The following EML1 variants were observed in gnomAD, a reference collection of about 807,000 sequenced individuals.
The protein encoded by EML1 is EMAP like 1.
A neutral mutation model predicts 110.4 loss-of-function variants in EML1; 27 were observed. That is an observed-to-expected ratio of 0.24 (90% confidence interval 0.18 to 0.34). EML1 has a LOEUF of 0.34. EML1 is among the 10% of genes least tolerant of loss of function. The pLI, the probability that EML1 is intolerant of heterozygous loss-of-function variation, is 1.00. For synonymous variants in EML1, 344 were observed against 385.8 expected (o/e 0.89, Z 1.27); for missense variants, 741 against 1,030.9 (o/e 0.72, Z 3.85).
chr14:99,770,356 G>A (rs974938809), upstream of EML1, among the ~76,000 whole-genome samples: 2 of 130,672 alleles, frequency 1.5e-5, no homozygotes, highest in Non-Finnish European at 3.3e-5. Flanking sequence ...GCAAGCTCTC[G>A]TGTCTTTTTA....
At chr14:99,752,315 G>C (rs1029392918) in intron 1 of EML1, among the ~76,000 whole-genome samples, 14 of 152,214 alleles carry the variant, frequency 9.2e-5, no homozygotes, top group Middle Eastern at 3.4e-3. Context: ...CACACCCACA[G>C]TCCTACACAC....
At chr14:99,839,930 G>A (rs1487208090) in intron 1 of EML1, among the ~76,000 whole-genome samples, 1 of 152,202 alleles carries the variant, frequency 6.6e-6, no homozygotes, top group East Asian at 1.9e-4. Context: ...CTGGAGCCCA[G>A]CCAGGAGTGG....
At chr14:99,748,778 G>A (rs533827971) in intron 1 of EML1, among the ~76,000 whole-genome samples, 12 of 152,248 alleles carry the variant, frequency 7.9e-5, no homozygotes, top group African/African-American at 2.2e-4. Context: ...CACTTCCGTC[G>A]TCCACGGAAA....
chr14:99,789,787 T>A (rs2057642645), upstream of EML1, among the ~76,000 whole-genome samples: 1 of 152,232 alleles, frequency 6.6e-6, no homozygotes, highest in African/African-American at 2.4e-5. Context: ...TGCTATTAAT[T>A]CCACTGAACA....
intron 1 of EML1, among the ~76,000 whole-genome samples, chr14:99,797,698 G>A (rs1353144121): frequency 2.6e-5 from 4 of 152,164 alleles, no homozygotes; most frequent in South Asian, 2.1e-4. Context: ...TCACCAAAAC[G>A]AGTCAGTGCA....
chr14:99,743,878 A>G (rs2057073680), intron 1 of EML1, among the ~76,000 whole-genome samples: 1 of 152,100 alleles, frequency 6.6e-6, no homozygotes. Flanking sequence ...TTTATTTTTT[A>G]TTTATCATGT....
At chr14:99,933,947 T>C (rs2060420565) in intron 17 of EML1, among the ~76,000 whole-genome samples, 1 of 151,960 alleles carries the variant, frequency 6.6e-6, no homozygotes, top group South Asian at 2.1e-4. Flanking sequence ...ATACAAAAAT[T>C]AGCCAGGCGC....
intron 3 of EML1, among the ~76,000 whole-genome samples, chr14:99,875,693 C>G (rs1274723275): frequency 2.0e-5 from 3 of 152,146 alleles, no homozygotes; most frequent in Non-Finnish European, 4.4e-5. Context: ...TGCATCAGAG[C>G]CTTGTACTAA....
chr14:99,833,758 A>G (rs763025357), intron 1 of EML1, among the ~76,000 whole-genome samples: 5 of 152,164 alleles, frequency 3.3e-5, no homozygotes, highest in Non-Finnish European at 5.9e-5. Context: ...TAAGCATTTC[A>G]TATTTTTGAT....
chr14:99,907,795 T>C (rs1488642785), intron 10 of EML1, 62 bp downstream of exon 10: 9 of 1,527,612 alleles, frequency 5.9e-6, no homozygotes, highest in Non-Finnish European at 8.1e-6. Context: ...CGCCCTGGCA[T>C]AGTGGTAGCC....
intron 1 of EML1, among the ~76,000 whole-genome samples, chr14:99,785,939 C>T (rs1019876698): frequency 3.9e-5 from 6 of 151,990 alleles, no homozygotes; most frequent in South Asian, 2.1e-4. Context: ...GCACCCCTCC[C>T]GCAGCGCTAA....
intron 1 of EML1, among the ~76,000 whole-genome samples, chr14:99,759,962 C>T (rs2057296524): frequency 6.6e-6 from 1 of 151,658 alleles, no homozygotes. Context: ...CAGAAATTAG[C>T]CGGGCGTGGT....
chr14:99,785,275 G>C (rs1381295065), intron 1 of EML1, among the ~76,000 whole-genome samples: 1 of 152,066 alleles, frequency 6.6e-6, no homozygotes, highest in African/African-American at 2.4e-5. Flanking sequence ...GGCTGGTCTC[G>C]AACTCCTGAC....
intron 1 of EML1, among the ~76,000 whole-genome samples, chr14:99,832,416 C>T (rs1257410196): frequency 1.3e-5 from 2 of 152,126 alleles, no homozygotes; most frequent in Non-Finnish European, 2.9e-5. Context: ...ATGGAATGGC[C>T]GGACTCAATA....
Position 99,820,317 on chromosome 14 carries a change from C to A in EML1, c.67+26774C>A, listed in dbSNP as rs527579708. Among the ~76,000 whole-genome samples the A allele has an allele frequency of 3.9e-5, 6 of 152,288 alleles. No homozygotes were observed. The East Asian group carries it at 1.2e-3, about 29-fold the overall frequency. ...ATGGCACGTTGCTCTCACTTGTAAT[C>A]AGTGACGGTGTAGCCTAAGAAACCT... On this transcript the variant is annotated intron_variant, in intron 1 of 21. Coordinates refer to ENST00000262233, the MANE Select transcript of EML1 (RefSeq NM_004434.3).
chr14:99,881,570 G>A lies in EML1; in HGVS notation c.518+2951G>A, dbSNP rs1018642017. Among the ~76,000 whole-genome samples, 3 of 150,006 alleles carry A rather than the reference G, an allele frequency of 2.0e-5. No homozygotes were observed. In the East Asian group the frequency reaches 5.9e-4, roughly 29 times the overall value. ...ATACTTTATTTTAAAGTAATTACATGTTTTGCTTTCATAAAACTATATTCT... is the reference window on the plus strand; with the variant it reads ...ATACTTTATTTTAAAGTAATTACATATTTTGCTTTCATAAAACTATATTCT... On this transcript the variant is annotated intron_variant, in intron 4 of 21. Coordinates refer to ENST00000262233, the MANE Select transcript of EML1 (RefSeq NM_004434.3).
chr14:99,811,802 CTA>C (rs766695707), intron 1 of EML1, among the ~76,000 whole-genome samples: 6 of 138,656 alleles, frequency 4.3e-5, no homozygotes, highest in Non-Finnish European at 8.1e-5. Flanking sequence ...AGGAATGAGA[CTA>C]TGTCTCAAAA....
intron 1 of EML1, among the ~76,000 whole-genome samples, chr14:99,783,772 C>G (rs1023066282): frequency 6.6e-6 from 1 of 152,136 alleles, no homozygotes; most frequent in African/African-American, 2.4e-5. Flanking sequence ...CGTGAGCCAC[C>G]ACGTCTGGCC....
rs1566933571 is a variant in EML1, at chr14:99,911,517, G to A, written c.1435G>A (p.Gly479Arg). 1 of 1,612,542 alleles carries A rather than the reference G, an allele frequency of 6.2e-7. No homozygotes were observed. Among genetic ancestry groups the A allele is most frequent in the Non-Finnish European group, 8.5e-7 (1 of 1,179,694 alleles). Reference protein sequence around the residue: ...LRDGTLVSGGGKDRKLISWSG... With the variant: ...LRDGTLVSGGRKDRKLISWSG... ...AGATGGCACACTGGTGTCGGGAGGT[G>A]GGAAAGACCGAAAGCTCATTTCTTG... The change falls in exon 13 of 22, where the codon GGG (glycine) becomes AGG (arginine). Residue 479 changes from glycine to arginine, a missense_variant. Gly to Arg is a moderately radical substitution (Grantham distance 125). Around this residue, in one of 4 missense-constraint regions of EML1, gnomAD observed 388 missense variants for 605.6 expected, o/e 0.64. Transcript: ENST00000262233.
Sources: allele counts gnomAD v4.1 joint callset (sites outside exome capture counted in the v4.1 genomes callset), GRCh38; gene constraint gnomAD v4.1.1; regional missense constraint gnomAD v4.1.1; transcripts MANE v1.5; gene names NCBI Gene and HGNC (gene_info 2026-07-23, HGNC 2026-07-21).